Variants in LZIC observed in about 807,000 individuals in gnomAD.
LZIC encodes leucine zipper and CTNNBIP1 domain containing.
A neutral mutation model predicts 25.4 loss-of-function variants in LZIC; 28 were observed. The observed-to-expected ratio is 1.10, with a 90% confidence interval of 0.82 to 1.51. LZIC has a LOEUF of 1.51. LZIC is among the 40% of genes most tolerant of loss of function. The pLI is 0.00. For synonymous variants in LZIC, 65 were observed against 70.7 expected, an observed-to-expected ratio of 0.92 and a Z score of 0.40; for missense variants, 170 against 211.1, an observed-to-expected ratio of 0.81 and a Z score of 1.21.
At chr1:9,935,740 G>A (rs1025927665) in intron 3 of LZIC, 113 bp from the exon 4 acceptor site, 1 of 993,654 alleles carries the variant, frequency 1.0e-6, no homozygotes. Flanking sequence ...AATGCTGATG[G>A]TGAATGTGTT....
intron 2 of LZIC, among the ~76,000 whole-genome samples, chr1:9,938,326 C>T (rs778557721): frequency 3.3e-5 from 5 of 152,164 alleles, no homozygotes; most frequent in Middle Eastern, 3.4e-3. Context: ...CACCACCACA[C>T]CTGGCTAATT....
rs1640071824 is a variant in LZIC, at chr1:9,928,188, C to A, written c.*2211G>T. Among the ~76,000 whole-genome samples the A allele has an allele frequency of 6.6e-6, 1 of 152,074 alleles. No homozygotes were observed. The highest frequency in any genetic ancestry group is 1.5e-5 in the Non-Finnish European group (1 of 68,018). Reference sequence around the variant, plus strand: ...AATTAGCCAGGTGTGGTGGCGCATGCCTTAATCCCAGCTACTCGGGAGGCT... The same window carrying A: ...AATTAGCCAGGTGTGGTGGCGCATGACTTAATCCCAGCTACTCGGGAGGCT... On this transcript the variant is annotated 3_prime_UTR_variant, in exon 8 of 8. Coordinates refer to ENST00000377223, the MANE Select transcript of LZIC (RefSeq NM_032368.5).
At chr1:9,934,451 A>T (rs1482459080) in intron 5 of LZIC, among the ~76,000 whole-genome samples, 1 of 152,214 alleles carries the variant, frequency 6.6e-6, no homozygotes, top group Admixed American at 6.5e-5. Flanking sequence ...GAGATAGGCT[A>T]CACATGCATA....
At chr1:9,931,444 C>T (rs986584313) in intron 7 of LZIC, among the ~76,000 whole-genome samples, 1 of 151,856 alleles carries the variant, frequency 6.6e-6, no homozygotes, top group African/African-American at 2.4e-5. Context: ...TTGTGTTTTT[C>T]GTAGAGACAG....
downstream of LZIC, among the ~76,000 whole-genome samples, chr1:9,925,353 A>G (rs1283853112): frequency 2.0e-5 from 3 of 152,084 alleles, no homozygotes; most frequent in Non-Finnish European, 4.4e-5. Flanking sequence ...CCTTACCAGC[A>G]TTATCTTCAC....
chr1:9,923,718 T>C (rs184842964), downstream of LZIC, among the ~76,000 whole-genome samples: 2 of 152,030 alleles, frequency 1.3e-5, no homozygotes, highest in Admixed American at 1.3e-4. Flanking sequence ...ATATTTTAAA[T>C]ATTTTGTGAA....
Position 9,942,753 on chromosome 1 carries a change from C to G in LZIC, c.-138G>C. 1 of 1,206,352 alleles carries G rather than the reference C, an allele frequency of 8.3e-7. No homozygotes were observed. The highest frequency in any genetic ancestry group is 1.1e-6 in the Non-Finnish European group (1 of 913,010). The allele number at this position is 1,206,352 out of a possible 1,614,324, so 74.7% of individuals were successfully genotyped here. A position where few individuals can be genotyped will look rare whatever the true frequency, so the allele number is the denominator to read the frequency against. On this transcript the variant is annotated 5_prime_UTR_variant, in exon 2 of 8. Transcript: ENST00000377223. ...TTATTCATCAGGACTACAAAAGGCTCAAAGTTCAAACCACCTCGGGGTGGA... is the reference window on the plus strand; with the variant it reads ...TTATTCATCAGGACTACAAAAGGCTGAAAGTTCAAACCACCTCGGGGTGGA...
rs938853310 is a variant in LZIC at position 9,929,605 on chromosome 1, G to T, written c.*794C>A. On this transcript the variant is annotated 3_prime_UTR_variant, in exon 8 of 8. Transcript: ENST00000377223. ...GCTTCCCTGGTCAAACAACGCAGGC[G>T]GCTAAGTCACTTTAGGAAACGCTCA... 1.0e-6 allele frequency: 1 copy of T among 985,198 alleles called. No individual in the cohort carries two copies. The highest frequency in any genetic ancestry group is 1.7e-5 in the African/African-American group (1 of 57,210). 61.0% of individuals were successfully genotyped at this position (985,198 alleles called of 1,614,324 possible).
In LZIC at chr1:9,930,326, T is replaced by C. The variant is rs1640153753; in HGVS notation, c.*73A>G. The C allele has an allele frequency of 6.3e-7, 1 of 1,575,496 alleles. No individual in the cohort carries two copies. Among genetic ancestry groups the C allele is most frequent in the South Asian group, 1.2e-5 (1 of 84,882 alleles). ...CCAGAATCTCTTCATTTCTTTGCAATAACTGAAAACCCCAGAAGAAAGACA... is the reference window on the plus strand; with the variant it reads ...CCAGAATCTCTTCATTTCTTTGCAACAACTGAAAACCCCAGAAGAAAGACA... On this transcript the variant is annotated 3_prime_UTR_variant, in exon 8 of 8. Coordinates refer to ENST00000377223, the MANE Select transcript of LZIC (RefSeq NM_032368.5).
In LZIC at chr1:9,940,859, T is replaced by C. The variant is rs375696909; in HGVS notation, c.-9+1765A>G. Among the ~76,000 whole-genome samples, 112 of 152,368 alleles carry C rather than the reference T, an allele frequency of 7.4e-4. 1 individual carries two copies. The highest frequency in any genetic ancestry group is 2.4e-3 in the African/African-American group (100 of 41,592). The stretch of plus-strand genomic sequence containing the variant: ...CTACATCTTATGTATAATAGTTTAG[T>C]GGATTTTTCCTGGAAATTGTCCATT... On this transcript the variant is annotated intron_variant, in intron 2 of 7. Coordinates refer to ENST00000377223, the MANE Select transcript of LZIC (RefSeq NM_032368.5).
At chr1:9,939,220 T>G (rs1640586683) in intron 2 of LZIC, among the ~76,000 whole-genome samples, 1 of 151,634 alleles carries the variant, frequency 6.6e-6, no homozygotes, top group Non-Finnish European at 1.5e-5. Flanking sequence ...TGCCACCACG[T>G]CCGGCTAATT....
At position 9,928,859 on chromosome 1, in the gene LZIC, T is replaced by C. The variant is rs1640097950; in HGVS notation, c.*1540A>G. The C allele has an allele frequency of 1.7e-5, 2 of 119,058 alleles. No individual in the cohort carries two copies. The highest frequency in any genetic ancestry group is 8.1e-3 in the Middle Eastern group (2 of 248). The allele number at this position is 119,058 out of a possible 1,614,324, so 7.4% of individuals were successfully genotyped here. On this transcript the variant is annotated 3_prime_UTR_variant, in exon 8 of 8. Coordinates refer to ENST00000377223, the MANE Select transcript of LZIC (RefSeq NM_032368.5). ...CCAGCCTGGGCAATAAGAGTAAAAC[T>C]CTGTCTCAAAAAAAAAAAAAAAAAG...
At chr1:9,935,130 T>TAA (rs372225447) in intron 4 of LZIC, among the ~76,000 whole-genome samples, 2 of 142,454 alleles carry the variant, frequency 1.4e-5, no homozygotes, top group Admixed American at 7.1e-5. Context: ...ACCCCATCTC[T>TAA]AAAAAAAAAA....
chr1:9,939,989 T>C (rs995671684), intron 2 of LZIC, among the ~76,000 whole-genome samples: 4 of 151,922 alleles, frequency 2.6e-5, no homozygotes, highest in Non-Finnish European at 5.9e-5. Context: ...CATGGTGGTG[T>C]GTGCTTGTAG....
chr1:9,933,301 TACAC>T (rs1553121874), intron 5 of LZIC, among the ~76,000 whole-genome samples: 1 of 129,434 alleles, frequency 7.7e-6, no homozygotes, highest in African/African-American at 3.0e-5. Context: ...TATATATATA[TACAC>T]ATACATATAG....
At chr1:9,940,976 T>G (rs1640698308) in intron 2 of LZIC, among the ~76,000 whole-genome samples, 1 of 152,212 alleles carries the variant, frequency 6.6e-6, no homozygotes. Flanking sequence ...GTTAGTTTCC[T>G]ACAGTCTAAC....
At chr1:9,932,968 C>T in intron 5 of LZIC, 70 bp from the exon 6 acceptor site, 2 of 1,084,760 alleles carry the variant, frequency 1.8e-6, no homozygotes, top group Non-Finnish European at 1.4e-6. Flanking sequence ...TATAGCTTTT[C>T]AGGCCAGGCG....
At chr1:9,936,467 C>T (rs1640462779) in intron 3 of LZIC, 52 bp downstream of exon 3, 1 of 1,172,968 alleles carries the variant, frequency 8.5e-7, no homozygotes, top group Non-Finnish European at 1.3e-6. Context: ...ACGGAGCTAG[C>T]TGCAGAAAAA....
rs1451355030 is a variant in LZIC, at chr1:9,928,874, A to C, written c.*1525T>G. On this transcript the variant is annotated 3_prime_UTR_variant, in exon 8 of 8. Transcript: ENST00000377223. ...AGAGTAAAACTCTGTCTCAAAAAAAAAAAAAAAAAGAAAAGAAAATATTAT... is the reference window on the plus strand; with the variant it reads ...AGAGTAAAACTCTGTCTCAAAAAAACAAAAAAAAAGAAAAGAAAATATTAT... 3.3e-5 allele frequency: 5 copies of C among 150,134 alleles called. No individual in the cohort carries two copies. The highest frequency in any genetic ancestry group is 7.4e-5 in the Non-Finnish European group (5 of 67,724). 9.3% of individuals were successfully genotyped at this position (150,134 alleles called of 1,614,324 possible).
Sources: gnomAD v4.1 joint callset for allele counts (sites outside exome capture counted in the v4.1 genomes callset) on GRCh38, gnomAD v4.1.1 for gene constraint, MANE v1.5 for transcripts, NCBI Gene and HGNC (gene_info 2026-07-23, HGNC 2026-07-21) for gene names.